WDR41: variants seen among roughly 807,000 people sequenced by gnomAD.
WDR41 encodes WD repeat domain 41.
Under a neutral mutation model 69.3 loss-of-function variants are expected in WDR41, and 63 were observed. The observed-to-expected ratio is 0.91, with a 90% CI of 0.74 to 1.12. The LOEUF (loss-of-function observed/expected upper bound fraction) is 1.12. Ranked by LOEUF, WDR41 falls within the 50% of genes most tolerant of loss-of-function variation. The probability of loss-of-function intolerance (pLI) is 0.00; values close to 1 mark genes in which losing one functional copy is unlikely to be tolerated. For synonymous variants in WDR41, 185 were observed against 192.1 expected, an observed-to-expected ratio of 0.96 and a Z score of 0.31; for missense variants, 543 against 534.5, an observed-to-expected ratio of 1.02 and a Z score of -0.16.
chr5:77,479,404 A>G (rs1050211110), intron 2 of WDR41, among the ~76,000 whole-genome samples: 54 of 152,144 alleles, frequency 3.5e-4, no homozygotes, highest in Middle Eastern at 3.4e-3. Flanking sequence ...GAGGCATCAC[A>G]CTACCTGACT....
At chr5:77,610,053 A>G (rs1250964469) in intron 1 of WDR41, among the ~76,000 whole-genome samples, 6 of 152,190 alleles carry the variant, frequency 3.9e-5, no homozygotes, top group Non-Finnish European at 7.3e-5. Flanking sequence ...AAGAAAGGGT[A>G]TCAGTGATGG....
intron 1 of WDR41, among the ~76,000 whole-genome samples, chr5:77,570,451 T>C (rs1312512641): frequency 6.7e-6 from 1 of 149,736 alleles, no homozygotes; most frequent in African/African-American, 2.5e-5. Context: ...GAAAATGCAA[T>C]ACTTATCCAG....
Position 77,519,191 on chromosome 5 carries a change from A to G in WDR41, c.43-29619T>C, listed in dbSNP as rs896734109. 1.6e-4 allele frequency among the ~76,000 whole-genome samples: 24 copies of G among 152,046 alleles called. 1 individual carries two copies. Among genetic ancestry groups the G allele is most frequent in the Admixed American group, 6.5e-5 (1 of 15,276 alleles). On this transcript the variant is annotated intron_variant, in intron 1 of 5. Coordinates refer to the WDR41 transcript ENST00000509971. The stretch of plus-strand genomic sequence containing the variant: ...ATTAGGGTATTCTGCCTGGTTATTT[A>G]TATTCAGTAAAATAAACTTGTTTAA...
chr5:77,596,638 A>G (rs1331707102), intron 1 of WDR41, among the ~76,000 whole-genome samples: 1 of 152,104 alleles, frequency 6.6e-6, no homozygotes, highest in African/African-American at 2.4e-5. Flanking sequence ...CTGGGGTTAC[A>G]GGTACCACTA....
chr5:77,489,595 A>G (rs1429935247), intron 1 of WDR41, 23 bp from the exon 2 acceptor site: 2 of 1,391,060 alleles, frequency 1.4e-6, no homozygotes, highest in Non-Finnish European at 2.0e-6. Context: ...AAAAAAAAAA[A>G]GCAAAAAACA....
At chr5:77,441,100 T>A in intron 8 of WDR41, 103 bp from the exon 9 acceptor site, 1 of 1,263,994 alleles carries the variant, frequency 7.9e-7, no homozygotes, top group Non-Finnish European at 1.1e-6. Flanking sequence ...CCACAGTAAT[T>A]AGAACAGTGA....
At chr5:77,474,894 A>G (rs897723664) in intron 2 of WDR41, among the ~76,000 whole-genome samples, 3 of 152,146 alleles carry the variant, frequency 2.0e-5, no homozygotes, top group African/African-American at 4.8e-5. Flanking sequence ...CTGCATTTCC[A>G]TCTGAGGTAC....
chr5:77,570,179 T>A (rs1743710555), intron 1 of WDR41, among the ~76,000 whole-genome samples: 1 of 152,090 alleles, frequency 6.6e-6, no homozygotes, highest in Admixed American at 6.6e-5. Context: ...AACTAATTGT[T>A]GCTAACAGTG....
chr5:77,440,295 A>G lies in WDR41; in HGVS notation c.882+518T>C, dbSNP rs2151290691. 2.0e-5 allele frequency among the ~76,000 whole-genome samples: 3 copies of G among 152,356 alleles called. 1 individual carries two copies. Among genetic ancestry groups the G allele is most frequent in the Admixed American group, 2.0e-4 (3 of 15,302 alleles). On this transcript the variant is annotated intron_variant, in intron 9 of 12. Coordinates refer to ENST00000296679, the MANE Select transcript of WDR41 (RefSeq NM_018268.4). ...GATTTGTTTTTTCAGATCAGAGATA[A>G]GATTCAGTAGTCCATTGGTACTAAT... is the stretch of plus-strand genomic sequence containing the variant.
chr5:77,453,819 G>A lies in WDR41; in HGVS notation c.521C>T (p.Thr174Ile), dbSNP rs766920412. ...LLCKTSHLSD[T>I]GISALVEIPK... is the part of the protein sequence containing the mutation. ...AAAATTACCTTGATGTTTTTTACCT[G>A]TATCAGAAAGGTGGCTAGTCTTACA... Residue 174 changes from threonine to isoleucine, a missense_variant and splice_region_variant, in exon 6 of 13, where the codon ACA becomes ATA. Physicochemically the swap from Thr to Ile is moderately conservative, Grantham distance 89. Coordinates refer to ENST00000296679, the MANE Select transcript of WDR41 (RefSeq NM_018268.4). 1.2e-6 allele frequency: 2 copies of A among 1,611,472 alleles called. No individual in the cohort carries two copies. Among genetic ancestry groups the A allele is most frequent in the Admixed American group, 1.7e-5 (1 of 59,944 alleles).
intron 1 of WDR41, among the ~76,000 whole-genome samples, chr5:77,506,962 C>A (rs997009329): frequency 6.6e-6 from 1 of 152,106 alleles, no homozygotes; most frequent in Non-Finnish European, 1.5e-5. Flanking sequence ...GTGCAGCAAA[C>A]CAACATGGCA....
chr5:77,458,100 A>G (rs970547968), intron 5 of WDR41, among the ~76,000 whole-genome samples: 3 of 152,112 alleles, frequency 2.0e-5, no homozygotes, highest in Non-Finnish European at 4.4e-5. Flanking sequence ...AAGGAATGTA[A>G]AAGGCACATC....
upstream of WDR41, among the ~76,000 whole-genome samples, chr5:77,496,153 TAA>T (rs1377886428): frequency 3.9e-5 from 6 of 152,178 alleles, no homozygotes; most frequent in African/African-American, 1.4e-4. Flanking sequence ...AACCCATGGT[TAA>T]CATCACATTC....
chr5:77,605,085 A>G (rs1744391790), intron 1 of WDR41, among the ~76,000 whole-genome samples: 1 of 152,136 alleles, frequency 6.6e-6, no homozygotes, highest in Non-Finnish European at 1.5e-5. Flanking sequence ...TTAATTGTTA[A>G]CCATTCTACC....
intron 2 of WDR41, among the ~76,000 whole-genome samples, chr5:77,474,992 T>A (rs377002764): frequency 3.3e-5 from 5 of 152,218 alleles, no homozygotes; most frequent in Non-Finnish European, 7.3e-5. Flanking sequence ...GGCGACGCAT[T>A]GCCTCACTCG....
At chr5:77,485,353 T>A (rs1251169472) in intron 2 of WDR41, among the ~76,000 whole-genome samples, 1 of 152,240 alleles carries the variant, frequency 6.6e-6, no homozygotes, top group Non-Finnish European at 1.5e-5. Flanking sequence ...GAATATTTCC[T>A]TTAAAATGAG....
chr5:77,600,599 A>G (rs1168776156), intron 1 of WDR41, among the ~76,000 whole-genome samples: 3 of 152,124 alleles, frequency 2.0e-5, no homozygotes, highest in Admixed American at 2.0e-4. Flanking sequence ...CACATAGTTG[A>G]GGCCGGGCAC....
chr5:77,454,651 C>T (rs1198953491), intron 5 of WDR41, among the ~76,000 whole-genome samples: 2 of 152,204 alleles, frequency 1.3e-5, no homozygotes, highest in African/African-American at 4.8e-5. Flanking sequence ...ATAGTACTCT[C>T]CTCGCCCACT....
At chr5:77,458,678 TGACCTTAGAGAAGGCAAAGGTCATGGG>T (rs1201455677) in intron 5 of WDR41, among the ~76,000 whole-genome samples, 4 of 152,196 alleles carry the variant, frequency 2.6e-5, no homozygotes, top group South Asian at 2.1e-4. Context: ...CTTGCCTTTG[TGACCTTAGAGAAGGCAAAGGTCATGGG>T]ACAAATAGCT....
Sources: allele counts gnomAD v4.1 joint callset (sites outside exome capture counted in the v4.1 genomes callset), GRCh38; gene constraint gnomAD v4.1.1; transcripts MANE v1.5; gene names NCBI Gene and HGNC (gene_info 2026-07-23, HGNC 2026-07-21).